Variants in FRAS1 observed in about 807,000 individuals in gnomAD.
The protein encoded by FRAS1 is extracellular matrix organizing protein FRAS1.
FRAS1 carries 290 observed loss-of-function variants against 435.2 expected under a neutral mutation model. The observed-to-expected ratio is 0.67, with a 90% CI of 0.61 to 0.73. The LOEUF is 0.73. Among genes scored for constraint, FRAS1 ranks in the 30% least tolerant of loss-of-function variants. FRAS1 has a pLI of 0.00. For synonymous variants in FRAS1, 1,800 were observed against 1,851.0 expected (o/e 0.97, Z 0.71); for missense variants, 4,860 against 5,001.5 (o/e 0.97, Z 0.85).
At chr4:78,105,499 G>A (rs956200677) in intron 2 of FRAS1, among the ~76,000 whole-genome samples, 1 of 152,164 alleles carries the variant, frequency 6.6e-6, no homozygotes, top group Non-Finnish European at 1.5e-5. Flanking sequence ...AGGGCCAGGG[G>A]AGGATATGAG....
chr4:78,116,467 G>A, intron 2 of FRAS1, among the ~76,000 whole-genome samples: 1 of 152,160 alleles, frequency 6.6e-6, no homozygotes, highest in Non-Finnish European at 1.5e-5. Flanking sequence ...GGGAGTCTAA[G>A]TCTCTTTGTA....
Position 78,534,536 on chromosome 4 carries a change from T to C in FRAS1, c.11013T>C (p.Asn3671=), listed in dbSNP as rs891727660. 2.2e-5 allele frequency: 35 copies of C among 1,613,684 alleles called. No homozygotes were observed. Among genetic ancestry groups the C allele is most frequent in the Non-Finnish European group, 2.9e-5 (34 of 1,179,600 alleles). ...ACACTGAATTTCAGCTCTGCAATAA[T>C]GAGAAGGTGTTCCTAATGGATCCCA... The part of the protein sequence containing the change: ...SLNTEFQLCN[N]EKVFLMDPNT... The change falls in exon 71 of 74, where the codon AAT becomes AAC. Residue 3671 remains asparagine, a synonymous_variant. Transcript: ENST00000512123.
chr4:78,539,471 G>T, intron 73 of FRAS1, 31 bp downstream of exon 73: 1 of 1,425,772 alleles, frequency 7.0e-7, no homozygotes, highest in Non-Finnish European at 9.4e-7. Flanking sequence ...AGAAGCTTAA[G>T]ACCAAGTCTA....
At position 78,540,865 on chromosome 4, in the gene FRAS1, A is replaced by G; in HGVS notation, c.11780A>G (p.Asn3927Ser). Reference protein sequence around the residue: ...LLVFLVACFINRKCQKQRKKK... With the variant: ...LLVFLVACFISRKCQKQRKKK... ...GTGTTTTTGGTGGCTTGTTTTATCA[A>G]CAGGAAATGCCAGAAACAGAGGAAG... The change falls in exon 74 of 74, where the codon AAC becomes AGC. Residue 3927 changes from asparagine to serine, a missense_variant. Physicochemically the swap from Asn to Ser is conservative, Grantham distance 46. Coordinates refer to ENST00000512123, the MANE Select transcript of FRAS1 (RefSeq NM_025074.7). 1 of 1,614,008 alleles carries G rather than the reference A, an allele frequency of 6.2e-7. No homozygotes were observed. Among genetic ancestry groups the G allele is most frequent in the East Asian group, 2.2e-5 (1 of 44,878 alleles).
chr4:78,264,905 G>T, intron 6 of FRAS1, 120 bp from the exon 7 acceptor site: 2 of 708,104 alleles, frequency 2.8e-6, no homozygotes, highest in Non-Finnish European at 5.2e-6. Flanking sequence ...TAAATGAGAG[G>T]CAAGTGCTGT....
rs1406287173 is a variant in FRAS1, at chr4:78,273,768, A to C, written c.982-4887A>C. On this transcript the variant is annotated intron_variant, in intron 9 of 73. Transcript: ENST00000512123. ...GATGTTCCTCATGGATATTGGTCTA[A>C]AATTCTCTTTTTTTGTAGTGTCTCT... Among the ~76,000 whole-genome samples, 4 of 152,140 alleles carry C rather than the reference A, an allele frequency of 2.6e-5. No individual in the cohort carries two copies. In the East Asian group the frequency reaches 7.7e-4, roughly 29 times the overall value.
intron 2 of FRAS1, among the ~76,000 whole-genome samples, chr4:78,182,317 C>T (rs971534502): frequency 6.6e-6 from 1 of 152,126 alleles, no homozygotes; most frequent in African/African-American, 2.4e-5. Context: ...CGGGGAGCAC[C>T]TGGGGGCCTG....
chr4:78,114,033 A>C (rs1742949910), intron 2 of FRAS1, among the ~76,000 whole-genome samples: 2 of 152,174 alleles, frequency 1.3e-5, no homozygotes. Flanking sequence ...ATCTAGTTTC[A>C]GCTTTCTATA....
At chr4:78,201,470 C>T (rs1723046387) in intron 2 of FRAS1, among the ~76,000 whole-genome samples, 1 of 152,146 alleles carries the variant, frequency 6.6e-6, no homozygotes, top group Non-Finnish European at 1.5e-5. Context: ...ATAAGAAACC[C>T]ATGGGTCATG....
chr4:78,116,566 T>A (rs150590704), intron 2 of FRAS1, among the ~76,000 whole-genome samples: 33,004 of 152,158 alleles, frequency 0.22, 3,939 homozygotes, highest in Admixed American at 0.29. Context: ...GTTGAATTGA[T>A]CCCTTTACCA....
chr4:78,520,784 C>CA (rs1287334359), intron 67 of FRAS1, among the ~76,000 whole-genome samples: 2 of 152,176 alleles, frequency 1.3e-5, no homozygotes, highest in Non-Finnish European at 2.9e-5. Flanking sequence ...GTAGAACCTA[C>CA]AGATACAAAG....
intron 2 of FRAS1, among the ~76,000 whole-genome samples, chr4:78,151,288 G>T (rs1284749259): frequency 1.3e-5 from 2 of 152,024 alleles, no homozygotes. Context: ...TGGATGAAAA[G>T]CTCCCATTTC....
At chr4:78,198,248 G>T (rs1488313330) in intron 2 of FRAS1, among the ~76,000 whole-genome samples, 1 of 152,200 alleles carries the variant, frequency 6.6e-6, no homozygotes, top group East Asian at 1.9e-4. Flanking sequence ...ACAGCCTTCA[G>T]TCAGTAACTC....
At chr4:78,085,783 T>C (rs1361039437) in intron 2 of FRAS1, among the ~76,000 whole-genome samples, 1 of 152,122 alleles carries the variant, frequency 6.6e-6, no homozygotes, top group African/African-American at 2.4e-5. Flanking sequence ...AGCAAGTCCT[T>C]AGTGACATAC....
At chr4:78,400,026 C>A (rs1473720333) in intron 29 of FRAS1, among the ~76,000 whole-genome samples, 2 of 152,202 alleles carry the variant, frequency 1.3e-5, no homozygotes, top group African/African-American at 4.8e-5. Flanking sequence ...CCCAACCTGG[C>A]TCCCTGAGCC....
intron 2 of FRAS1, among the ~76,000 whole-genome samples, chr4:78,164,911 G>A (rs191571613): frequency 4.1e-4 from 62 of 152,192 alleles, no homozygotes; most frequent in Admixed American, 1.4e-3. Context: ...CATCCATACT[G>A]TTATTTTTTC....
intron 6 of FRAS1, among the ~76,000 whole-genome samples, chr4:78,256,276 C>T (rs1725791301): frequency 6.6e-6 from 1 of 152,240 alleles, no homozygotes; most frequent in South Asian, 2.1e-4. Context: ...CCACACCACA[C>T]CAACTACTGT....
rs117402876 is a variant in FRAS1, at chr4:78,202,977, G to C, written c.109-34533G>C. On this transcript the variant is annotated intron_variant, in intron 2 of 73. Coordinates refer to ENST00000512123, the MANE Select transcript of FRAS1 (RefSeq NM_025074.7). ...TGGTGAGCTGGGCTTTCTTATTTGT[G>C]GATGTGAATGTTCCAGAACATACTG... Among the ~76,000 whole-genome samples, 4 of 152,098 alleles carry C rather than the reference G, an allele frequency of 2.6e-5. No homozygotes were observed. The East Asian group carries it at 7.7e-4, about 29-fold the overall frequency.
intron 60 of FRAS1, 98 bp from the exon 61 acceptor site, chr4:78,499,623 G>A: frequency 8.5e-7 from 1 of 1,174,338 alleles, no homozygotes; most frequent in South Asian, 1.5e-5. Context: ...TAACTAATGT[G>A]AACAATTTCC....
Sources: allele counts gnomAD v4.1 joint callset (sites outside exome capture counted in the v4.1 genomes callset), GRCh38; gene constraint gnomAD v4.1.1; transcripts MANE v1.5; gene names NCBI Gene and HGNC (gene_info 2026-07-23, HGNC 2026-07-21).